Variants in MASP1 observed in about 807,000 individuals in gnomAD.
MASP1 encodes mannan-binding lectin serine protease 1.
MASP1 carries 59 observed loss-of-function variants against 77.1 expected under a neutral mutation model. The ratio of observed to expected loss-of-function variants is 0.77; its 90% CI spans 0.62 to 0.95. The LOEUF (loss-of-function observed/expected upper bound fraction) is 0.95. Ranked by LOEUF, MASP1 falls within the 40% of genes least tolerant of loss-of-function variation. MASP1 has a pLI of 0.00. For missense variants in MASP1, 885 were observed against 912.9 expected (o/e 0.97, Z 0.39); for synonymous variants, 362 against 354.5 (o/e 1.02, Z -0.24).
At chr3:187,223,557 G>A (rs1428380400) in intron 13 of MASP1, among the ~76,000 whole-genome samples, 5 of 152,130 alleles carry the variant, frequency 3.3e-5, no homozygotes, top group Non-Finnish European at 5.9e-5. Flanking sequence ...CAAGAACAGC[G>A]AATAAATAAA....
chr3:187,259,182 C>T (rs1225242652), intron 4 of MASP1, among the ~76,000 whole-genome samples: 1 of 152,120 alleles, frequency 6.6e-6, no homozygotes, highest in East Asian at 1.9e-4. Context: ...CATCCTAGAT[C>T]TGGGATGTCA....
At chr3:187,268,546 A>AAAT (rs1553781374) in intron 2 of MASP1, among the ~76,000 whole-genome samples, 2 of 75,924 alleles carry the variant, frequency 2.6e-5, no homozygotes, top group Admixed American at 1.2e-4. Context: ...AAAGAAAAGA[A>AAAT]AATAGAAAAG....
At chr3:187,260,204 G>A (rs933832443) in intron 4 of MASP1, among the ~76,000 whole-genome samples, 2 of 152,128 alleles carry the variant, frequency 1.3e-5, no homozygotes, top group South Asian at 2.1e-4. Flanking sequence ...CCCTAAGCAC[G>A]AGACTATAGC....
At chr3:187,251,589 T>G (rs1579515379) in intron 7 of MASP1, 45 bp downstream of exon 7, 1 of 1,543,262 alleles carries the variant, frequency 6.5e-7, no homozygotes, top group Non-Finnish European at 9.0e-7. Flanking sequence ...GTTTCGAGAG[T>G]TTCTGTGGCC....
chr3:187,247,389 C>T (rs373444677), intron 8 of MASP1: 13 of 1,613,820 alleles, frequency 8.1e-6, no homozygotes, highest in South Asian at 6.6e-5. Context: ...TCATTTTCTG[C>T]CACCATGGTG....
At chr3:187,265,460 A>T (rs1041647084) in intron 2 of MASP1, among the ~76,000 whole-genome samples, 1 of 152,216 alleles carries the variant, frequency 6.6e-6, no homozygotes, top group African/African-American at 2.4e-5. Flanking sequence ...GCAGAGCCAC[A>T]GTATTCCAGA....
chr3:187,241,176 T>C (rs988277997), intron 10 of MASP1, among the ~76,000 whole-genome samples: 12 of 152,134 alleles, frequency 7.9e-5, no homozygotes, highest in Non-Finnish European at 4.4e-5. Flanking sequence ...TGCCCACTTT[T>C]TAAATTTCCC....
intron 11 of MASP1, among the ~76,000 whole-genome samples, chr3:187,228,096 G>A (rs1712540416): frequency 6.6e-6 from 1 of 152,042 alleles, no homozygotes; most frequent in African/African-American, 2.4e-5. Context: ...TCAAACATAA[G>A]TCATAGGGAA....
chr3:187,277,498 C>T (rs973323965), intron 2 of MASP1, among the ~76,000 whole-genome samples: 1 of 152,168 alleles, frequency 6.6e-6, no homozygotes, highest in African/African-American at 2.4e-5. Flanking sequence ...TATAGGGACC[C>T]TCAAGGACCT....
rs1333264972 is a variant in MASP1 at position 187,256,878 on chromosome 3, G to C, written c.548-18C>G. The C allele has an allele frequency of 1.9e-6, 3 of 1,611,358 alleles. No homozygotes were observed. Among genetic ancestry groups the C allele is most frequent in the Non-Finnish European group, 2.5e-6 (3 of 1,177,920 alleles). ...GCACTCCACTGTTGGAAACATAATAGAGAAAATGGCGCATCGCAACCACAG... is the reference window on the plus strand; with the variant it reads ...GCACTCCACTGTTGGAAACATAATACAGAAAATGGCGCATCGCAACCACAG... On this transcript the variant is annotated intron_variant, in intron 4 of 10. Coordinates refer to ENST00000296280, the MANE Select transcript of MASP1 (RefSeq NM_139125.4).
intron 2 of MASP1, among the ~76,000 whole-genome samples, chr3:187,270,086 A>G (rs1716392425): frequency 6.6e-6 from 1 of 152,246 alleles, no homozygotes; most frequent in African/African-American, 2.4e-5. Context: ...GCACACAGAT[A>G]ATTCTGCAAT....
chr3:187,221,105 G>A (rs137924445), exon 15 of MASP1: 1 of 1,614,144 alleles, frequency 6.2e-7, no homozygotes, highest in East Asian at 2.2e-5. Flanking sequence ...CCTTCTGGCA[G>A]GTGCTGTGGT....
In MASP1 at chr3:187,243,474, G is replaced by A. The variant is rs1713826581; in HGVS notation, c.1228+10C>T. The A allele has an allele frequency of 1.9e-6, 3 of 1,613,992 alleles. No individual in the cohort carries two copies. Among genetic ancestry groups the A allele is most frequent in the South Asian group, 2.2e-5 (2 of 91,088 alleles). On this transcript the variant is annotated intron_variant, in intron 9 of 10. Coordinates refer to ENST00000296280, the MANE Select transcript of MASP1 (RefSeq NM_139125.4). ...AACGGGAGTGGGATGGCTTAGCATG[G>A]ATGGCTTACCTGTGTTATTGTTGAG...
chr3:187,238,145 C>T (rs529736330), intron 10 of MASP1, among the ~76,000 whole-genome samples: 6 of 152,312 alleles, frequency 3.9e-5, no homozygotes, highest in South Asian at 4.1e-4. Context: ...GTAAGGGACA[C>T]GTCTATGGCT....
chr3:187,273,409 A>G (rs1716687734), intron 2 of MASP1, among the ~76,000 whole-genome samples: 1 of 152,238 alleles, frequency 6.6e-6, no homozygotes, highest in Non-Finnish European at 1.5e-5. Flanking sequence ...GATCAGAGCA[A>G]AGTGAGGGAT....
chr3:187,265,214 C>A (rs1382232589), intron 2 of MASP1, among the ~76,000 whole-genome samples: 1 of 152,136 alleles, frequency 6.6e-6, no homozygotes, highest in Non-Finnish European at 1.5e-5. Context: ...AATGAATAGT[C>A]ATGCCTTGGG....
At chr3:187,247,003 T>G (rs779358169) in intron 8 of MASP1, 16 of 1,250,050 alleles carry the variant, frequency 1.3e-5, no homozygotes, top group African/African-American at 1.5e-5. Context: ...TGGTTGTATA[T>G]TAAATCTTTT....
intron 2 of MASP1, among the ~76,000 whole-genome samples, chr3:187,270,189 A>G (rs2108580234): frequency 6.6e-6 from 1 of 152,354 alleles, no homozygotes; most frequent in Non-Finnish European, 1.5e-5. Context: ...TTTAGGCCTC[A>G]AGGGACCTTG....
intron 13 of MASP1, chr3:187,223,254 G>T (rs1712177849): frequency 7.9e-7 from 1 of 1,265,936 alleles, no homozygotes; most frequent in Non-Finnish European, 1.2e-6. Context: ...TTGGAGGGGT[G>T]CAGCTTGCAG....
Sources: gnomAD v4.1 joint callset for allele counts (sites outside exome capture counted in the v4.1 genomes callset) on GRCh38, gnomAD v4.1.1 for gene constraint, MANE v1.5 for transcripts, NCBI Gene and HGNC (gene_info 2026-07-23, HGNC 2026-07-21) for gene names.